The following P4HA3 variants were observed in gnomAD, a reference collection of about 807,000 sequenced individuals.
P4HA3 encodes prolyl 4-hydroxylase subunit alpha 3.
In P4HA3, 60 loss-of-function variants were observed where a neutral mutation model predicts 66.7. That is an observed-to-expected ratio of 0.90 (90% CI 0.73 to 1.12). The LOEUF (loss-of-function observed/expected upper bound fraction) is 1.12, where lower values mean the gene tolerates loss of function less well. P4HA3 is among the 50% of genes most tolerant of loss of function. P4HA3 has a pLI of 0.00. For missense variants in P4HA3, 683 were observed against 685.8 expected (o/e 1.00, Z 0.05); for synonymous variants, 263 against 274.6 (o/e 0.96, Z 0.42).
chr11:74,281,475 A>G (rs1428471943), intron 7 of P4HA3, among the ~76,000 whole-genome samples: 1 of 152,212 alleles, frequency 6.6e-6, no homozygotes, highest in Non-Finnish European at 1.5e-5. Context: ...GAACCAACCT[A>G]AATGTCCAAC....
At chr11:74,251,501 G>A in intron 15 of P4HA3, 1 of 1,456,360 alleles carries the variant, frequency 6.9e-7, no homozygotes, top group South Asian at 1.5e-5. Context: ...GCTAGGGAGG[G>A]CCTAGGTCCT....
At chr11:74,279,542 A>T in intron 7 of P4HA3, 90 bp from the exon 8 acceptor site, 1 of 1,294,194 alleles carries the variant, frequency 7.7e-7, no homozygotes, top group Non-Finnish European at 1.1e-6. Context: ...TCTCTTAAGC[A>T]TCAACATAAC....
rs1205408966 is a variant in P4HA3, at chr11:74,266,835, G to A, written c.*413C>T. The A allele has an allele frequency of 2.2e-5, 13 of 601,876 alleles. No individual in the cohort carries two copies. The East Asian group carries it at 3.8e-4, about 18-fold the overall frequency. 37.3% of individuals were successfully genotyped at this position (601,876 alleles called of 1,614,324 possible). A position where few individuals can be genotyped will look rare whatever the true frequency, so the allele number is the denominator to read the frequency against. Reference sequence around the variant, plus strand: ...AAGGCAGTGGGGAGAAAGTCTTAAAGTTCTGGGAGTCAGGCTAGCCCCTCC... The same window carrying A: ...AAGGCAGTGGGGAGAAAGTCTTAAAATTCTGGGAGTCAGGCTAGCCCCTCC... On this transcript the variant is annotated 3_prime_UTR_variant, in exon 13 of 13. Coordinates refer to ENST00000331597, the MANE Select transcript of P4HA3 (RefSeq NM_182904.5).
In P4HA3 at chr11:74,268,233, T is replaced by A. The variant is rs761065819; in HGVS notation, c.1476A>T (p.Ala492=). ...TCCTGTGCAGGTTCCACCAAAACAG[T>A]GCTGCATTCTGAAACAAGAGGGCCC... is the stretch of plus-strand genomic sequence containing the variant. The part of the protein sequence containing the change: ...NLSVPVVRNA[A]LFWWNLHRSG... The change falls in exon 12 of 13, where the codon GCA becomes GCT. Residue 492 remains alanine (A), a synonymous_variant. Transcript: ENST00000331597. The A allele has an allele frequency of 1.6e-4, 263 of 1,613,396 alleles. 1 individual carries two copies. In the Admixed American group the frequency reaches 4.3e-3, roughly 26 times the overall value.
At chr11:74,286,507 C>A (rs747739605) in intron 5 of P4HA3, 116 bp from the exon 6 acceptor site, 27 of 907,252 alleles carry the variant, frequency 3.0e-5, no homozygotes, top group Non-Finnish European at 4.2e-5. Context: ...AGTGGATCTC[C>A]TGAATAACTC....
chr11:74,259,538 T>C, intron 15 of P4HA3, among the ~76,000 whole-genome samples: 1 of 152,208 alleles, frequency 6.6e-6, no homozygotes, highest in East Asian at 1.9e-4. Context: ...ACCACACCAC[T>C]ATCTATACCC....
At chr11:74,252,012 G>C (rs764921019) in intron 15 of P4HA3, 1 of 589,102 alleles carries the variant, frequency 1.7e-6, no homozygotes, top group Non-Finnish European at 3.2e-6. Flanking sequence ...GGCTGGGATA[G>C]GAATCAGTCC....
At chr11:74,311,344 C>T (rs1861736354) in intron 1 of P4HA3, 68 bp downstream of exon 1, 2 of 1,396,430 alleles carry the variant, frequency 1.4e-6, no homozygotes, top group Non-Finnish European at 1.9e-6. Flanking sequence ...CAACCTGAGT[C>T]ACCCCACCCT....
chr11:74,300,601 A>C (rs1013352897), intron 3 of P4HA3, among the ~76,000 whole-genome samples: 2 of 152,204 alleles, frequency 1.3e-5, no homozygotes, highest in African/African-American at 4.8e-5. Flanking sequence ...GTGTCACTGC[A>C]CTTACTTGGA....
intron 11 of P4HA3, 113 bp from the exon 12 acceptor site, chr11:74,268,354 C>A (rs779809230): frequency 5.7e-6 from 5 of 880,074 alleles, no homozygotes; most frequent in Non-Finnish European, 9.1e-6. Context: ...TCCATGCAGT[C>A]TGGGGGCAAT....
Position 74,266,931 on chromosome 11 carries a change from G to C in P4HA3, c.*317C>G. ...CAAAGTGCCAAAAGACCCACTGATC[G>C]AACCTGAGACTGTTGAGATGTCCTG... On this transcript the variant is annotated 3_prime_UTR_variant, in exon 13 of 13. Coordinates refer to ENST00000331597, the MANE Select transcript of P4HA3 (RefSeq NM_182904.5). The C allele has an allele frequency of 7.7e-7, 1 of 1,296,714 alleles. No homozygotes were observed. Among genetic ancestry groups the C allele is most frequent in the African/African-American group, 1.5e-5 (1 of 66,808 alleles). 80.3% of individuals were successfully genotyped at this position (1,296,714 alleles called of 1,614,324 possible). A position where few individuals can be genotyped will look rare whatever the true frequency, so the allele number is the denominator to read the frequency against.
intron 7 of P4HA3, among the ~76,000 whole-genome samples, chr11:74,281,660 T>C (rs1437796730): frequency 6.6e-6 from 1 of 151,734 alleles, no homozygotes; most frequent in Non-Finnish European, 1.5e-5. Context: ...CACTCATAGG[T>C]GGGAATTGAA....
intron 1 of P4HA3, among the ~76,000 whole-genome samples, chr11:74,311,058 C>T (rs1861725138): frequency 6.6e-6 from 1 of 152,170 alleles, no homozygotes. Context: ...AGTCACCCCG[C>T]CCCGCTCTTC....
intron 10 of P4HA3, 84 bp from the exon 11 acceptor site, chr11:74,269,804 C>T: frequency 1.5e-6 from 2 of 1,320,200 alleles, no homozygotes; most frequent in Non-Finnish European, 2.1e-6. Flanking sequence ...TGCATAGATT[C>T]CTTCTCATGG....
At chr11:74,297,865 T>G (rs1185145381) in intron 4 of P4HA3, among the ~76,000 whole-genome samples, 1 of 152,242 alleles carries the variant, frequency 6.6e-6, no homozygotes, top group Admixed American at 6.5e-5. Flanking sequence ...ACATTTATTA[T>G]GAACCCATTA....
rs747790951 is a variant in P4HA3 at position 74,302,419 on chromosome 11, G to A, written c.517C>T (p.Pro173Ser). Reference protein sequence around the residue: ...TGSAITDLYSPKRLFSLTGDD... With the variant: ...TGSAITDLYSSKRLFSLTGDD... ...CCTGTGAGAGAAAAGAGCCGTTTGG[G>A]GCTGTACAGGTCAGTGATGGCAGAG... Residue 173 changes from proline (P) to serine (S), a missense_variant, in exon 3 of 13, where the codon CCC (proline) becomes TCC (serine). Coordinates refer to ENST00000331597, the MANE Select transcript of P4HA3 (RefSeq NM_182904.5). 4 of 1,614,084 alleles carry A rather than the reference G, an allele frequency of 2.5e-6. No homozygotes were observed. Among genetic ancestry groups the A allele is most frequent in the Non-Finnish European group, 3.4e-6 (4 of 1,180,022 alleles).
intron 1 of P4HA3, among the ~76,000 whole-genome samples, chr11:74,309,851 C>T (rs1002316523): frequency 1.3e-5 from 2 of 152,200 alleles, no homozygotes; most frequent in Non-Finnish European, 2.9e-5. Context: ...TCACTATTAA[C>T]AAGATCTCTC....
In P4HA3 at chr11:74,273,594, G is replaced by C. The variant is rs925881961; in HGVS notation, c.1349C>G (p.Pro450Arg). The C allele has an allele frequency of 1.9e-5, 29 of 1,562,688 alleles. No homozygotes were observed. The highest frequency in any genetic ancestry group is 2.5e-5 in the Non-Finnish European group (29 of 1,159,686). ...HFDHATSPSS[P>R]LYRMKSGNRV... ...GTTTCCTGACTTCATTCTGTAGAGG[G>C]GGCTGCTTGGTGACTGAGAAAAAAA... Residue 450 changes from proline to arginine, a missense_variant, in exon 10 of 13, where the codon CCC (proline) becomes CGC (arginine). Physicochemically the swap from Pro to Arg is moderately radical, Grantham distance 103 (BLOSUM62 -2). Coordinates refer to ENST00000331597, the MANE Select transcript of P4HA3 (RefSeq NM_182904.5).
chr11:74,271,518 T>C (rs1289244938), intron 10 of P4HA3, among the ~76,000 whole-genome samples: 1 of 152,030 alleles, frequency 6.6e-6, no homozygotes, highest in Admixed American at 6.6e-5. Context: ...TACTATTTTG[T>C]ACTGGGGCTG....
Sources: gnomAD v4.1 joint callset for allele counts (sites outside exome capture counted in the v4.1 genomes callset) on GRCh38, gnomAD v4.1.1 for gene constraint, MANE v1.5 for transcripts, NCBI Gene and HGNC (gene_info 2026-07-23, HGNC 2026-07-21) for gene names.